Variants in MLLT3 observed in about 807,000 individuals in gnomAD.
MLLT3 encodes MLLT3 super elongation complex subunit, also known as protein AF-9.
A neutral mutation model predicts 53.2 loss-of-function variants in MLLT3; 4 were observed. The ratio of observed to expected loss-of-function variants is 0.08; its 90% CI spans 0.04 to 0.17. The LOEUF is 0.17. Among genes scored for constraint, MLLT3 ranks in the 10% least tolerant of loss-of-function variants. The pLI is 1.00. For synonymous variants in MLLT3, 283 were observed against 230.6 expected (o/e 1.23, Z -2.06); for missense variants, 569 against 684.0 (o/e 0.83, Z 1.87).
At chr9:20,511,551 C>T (rs1367125188) in intron 2 of MLLT3, among the ~76,000 whole-genome samples, 1 of 152,114 alleles carries the variant, frequency 6.6e-6, no homozygotes, top group Non-Finnish European at 1.5e-5. Flanking sequence ...TGCTATGAAG[C>T]ATCATTAAAT....
At chr9:20,547,215 G>A (rs545551496) in intron 2 of MLLT3, among the ~76,000 whole-genome samples, 2 of 150,834 alleles carry the variant, frequency 1.3e-5, no homozygotes, top group African/African-American at 4.9e-5. Context: ...TTTTTTTCCT[G>A]TAGAGATGAG....
rs984900051 is a variant in MLLT3 at position 20,456,911 on chromosome 9, C to A, written c.194-125G>T. 24 of 650,004 alleles carry A rather than the reference C, an allele frequency of 3.7e-5. No individual in the cohort carries two copies. The African/African-American group carries it at 4.3e-4, about 12-fold the overall frequency. The allele number at this position is 650,004 out of a possible 1,614,324, so 40.3% of individuals were successfully genotyped here. ...GCAATTTTCATAGCCCCTTGCCAAA[C>A]TCCCAGTTGAGTCTCCGATCTATCC... On this transcript the variant is annotated intron_variant, in intron 2 of 10. Transcript: ENST00000380338.
chr9:20,346,841 T>C (rs1428152449), intron 10 of MLLT3, among the ~76,000 whole-genome samples: 2 of 152,062 alleles, frequency 1.3e-5, no homozygotes, highest in Non-Finnish European at 2.9e-5. Context: ...ATGAACAGAA[T>C]ATTTAACTGT....
intron 3 of MLLT3, among the ~76,000 whole-genome samples, chr9:20,453,467 G>A (rs982944448): frequency 6.6e-6 from 1 of 152,162 alleles, no homozygotes; most frequent in South Asian, 2.1e-4. Flanking sequence ...GGAAGCTGAG[G>A]TGGAAGGATC....
chr9:20,598,266 C>T (rs1312838404), intron 2 of MLLT3, among the ~76,000 whole-genome samples: 2 of 152,210 alleles, frequency 1.3e-5, no homozygotes, highest in Non-Finnish European at 2.9e-5. Context: ...TGCTCATCTT[C>T]AATCTCTACT....
chr9:20,441,893 C>A (rs562692552), intron 4 of MLLT3, among the ~76,000 whole-genome samples: 1 of 152,064 alleles, frequency 6.6e-6, no homozygotes, highest in African/African-American at 2.4e-5. Flanking sequence ...TTTTTAGAAG[C>A]CAAAGTCTTG....
chr9:20,352,153 C>G (rs982243407), intron 10 of MLLT3, among the ~76,000 whole-genome samples: 10 of 152,238 alleles, frequency 6.6e-5, no homozygotes, highest in African/African-American at 2.4e-4. Context: ...AAGGTAAGAT[C>G]TGCCCAATGG....
intron 2 of MLLT3, among the ~76,000 whole-genome samples, chr9:20,457,285 G>T (rs1586962961): frequency 1.1e-5 from 1 of 93,156 alleles, no homozygotes; most frequent in African/African-American, 4.3e-5. Context: ...TTTCACTCTT[G>T]TTGCCCAGGC....
intron 2 of MLLT3, among the ~76,000 whole-genome samples, chr9:20,470,756 A>G (rs553155578): frequency 6.6e-6 from 1 of 152,064 alleles, no homozygotes; most frequent in South Asian, 2.1e-4. Context: ...GGAGTAATAA[A>G]CTGAACAATA....
At chr9:20,381,947 C>T (rs543001303) in intron 5 of MLLT3, among the ~76,000 whole-genome samples, 3 of 151,796 alleles carry the variant, frequency 2.0e-5, no homozygotes, top group South Asian at 2.1e-4. Flanking sequence ...TTATTTAATA[C>T]GATAATCATG....
chr9:20,450,262 C>G (rs543473101), intron 3 of MLLT3, among the ~76,000 whole-genome samples: 24 of 152,258 alleles, frequency 1.6e-4, no homozygotes, highest in Non-Finnish European at 3.1e-4. Context: ...CCTCTAAGGC[C>G]TACTGTCCTA....
intron 2 of MLLT3, among the ~76,000 whole-genome samples, chr9:20,545,052 G>A (rs1818749126): frequency 8.5e-6 from 1 of 118,098 alleles, no homozygotes; most frequent in Admixed American, 1.2e-4. Context: ...CCATGATCAC[G>A]CCACTGCAAT....
At chr9:20,413,456 C>T (rs557417439) in intron 5 of MLLT3, among the ~76,000 whole-genome samples, 17 of 152,288 alleles carry the variant, frequency 1.1e-4, no homozygotes, top group Middle Eastern at 3.4e-3. Flanking sequence ...AAATTTTCTG[C>T]TGCTATTCAA....
chr9:20,571,999 A>C (rs1483326173), intron 2 of MLLT3, among the ~76,000 whole-genome samples: 1 of 152,226 alleles, frequency 6.6e-6, no homozygotes, highest in Non-Finnish European at 1.5e-5. Context: ...TAAAACAATC[A>C]CATGATCCAC....
chr9:20,505,044 A>G (rs1441553062), intron 2 of MLLT3, among the ~76,000 whole-genome samples: 2 of 152,244 alleles, frequency 1.3e-5, no homozygotes. Context: ...TGAAGTGAAC[A>G]AAACAGATGC....
intron 2 of MLLT3, among the ~76,000 whole-genome samples, chr9:20,565,557 G>C (rs1465131789): frequency 6.6e-6 from 1 of 152,040 alleles, no homozygotes; most frequent in Admixed American, 6.6e-5. Flanking sequence ...TATTCCCATT[G>C]AAACAAAGTT....
intron 2 of MLLT3, among the ~76,000 whole-genome samples, chr9:20,491,764 T>C (rs191353924): frequency 3.9e-5 from 6 of 152,272 alleles, no homozygotes; most frequent in East Asian, 3.9e-4. Context: ...CACCTGGAGC[T>C]TTATTCATCA....
chr9:20,438,620 G>C (rs1472455286), intron 4 of MLLT3, among the ~76,000 whole-genome samples: 7 of 151,340 alleles, frequency 4.6e-5, no homozygotes, highest in Non-Finnish European at 1.0e-4. Flanking sequence ...ATTTTTTGTA[G>C]AGACAGGTCT....
At chr9:20,348,225 C>T (rs922949405) in intron 10 of MLLT3, among the ~76,000 whole-genome samples, 2 of 152,086 alleles carry the variant, frequency 1.3e-5, no homozygotes, top group African/African-American at 4.8e-5. Context: ...CGATTTATTC[C>T]TTAATTTTTT....
Sources: allele counts gnomAD v4.1 joint callset (sites outside exome capture counted in the v4.1 genomes callset), GRCh38; gene constraint gnomAD v4.1.1; transcripts MANE v1.5; gene names NCBI Gene and HGNC (gene_info 2026-07-23, HGNC 2026-07-21).